The following PRKG1 variants were observed in gnomAD, a reference collection of about 807,000 sequenced individuals.
PRKG1 encodes the protein protein kinase cGMP-dependent 1.
PRKG1 carries 35 observed loss-of-function variants against 88.1 expected under a neutral mutation model. The ratio of observed to expected loss-of-function variants is 0.40; its 90% CI spans 0.30 to 0.53. The LOEUF (loss-of-function observed/expected upper bound fraction) is 0.53, where lower values mean the gene tolerates loss of function less well. Ranked by LOEUF, PRKG1 falls within the 20% of genes least tolerant of loss-of-function variation. The pLI is 0.59. For missense variants in PRKG1, 540 were observed against 839.8 expected (o/e 0.64, Z 4.41); for synonymous variants, 303 against 292.5 (o/e 1.04, Z -0.37).
At chr10:51,710,684 T>G (rs1295759773) in intron 3 of PRKG1, among the ~76,000 whole-genome samples, 1 of 152,224 alleles carries the variant, frequency 6.6e-6, no homozygotes, top group Non-Finnish European at 1.5e-5. Context: ...ACCAAGTTTA[T>G]TACTTAAATG....
chr10:51,961,034 G>A (rs1022310534), intron 5 of PRKG1, among the ~76,000 whole-genome samples: 5 of 152,092 alleles, frequency 3.3e-5, no homozygotes, highest in Non-Finnish European at 7.4e-5. Context: ...GCCAAAAAAG[G>A]CATTAGTTTC....
chr10:51,140,904 C>G (rs1368564868), intron 1 of PRKG1, among the ~76,000 whole-genome samples: 1 of 152,198 alleles, frequency 6.6e-6, no homozygotes, highest in African/African-American at 2.4e-5. Flanking sequence ...AACTGCTGCG[C>G]CAGAAACATT....
intron 2 of PRKG1, among the ~76,000 whole-genome samples, chr10:51,212,239 G>T (rs1202936266): frequency 2.6e-5 from 4 of 151,586 alleles, no homozygotes; most frequent in Admixed American, 6.6e-5. Context: ...TTAATAAATG[G>T]TGCTGGGAAA....
chr10:51,664,753 C>G (rs1840382357), intron 3 of PRKG1, among the ~76,000 whole-genome samples: 1 of 152,136 alleles, frequency 6.6e-6, no homozygotes, highest in African/African-American at 2.4e-5. Flanking sequence ...AATCCTGACT[C>G]TACAATTACT....
intron 2 of PRKG1, among the ~76,000 whole-genome samples, chr10:51,244,455 C>T (rs893524332): frequency 1.3e-5 from 2 of 151,900 alleles, no homozygotes; most frequent in Non-Finnish European, 2.9e-5. Flanking sequence ...ATTTATAGAA[C>T]ATTCAGTGGT....
intron 3 of PRKG1, among the ~76,000 whole-genome samples, chr10:51,588,966 A>T (rs1838240524): frequency 6.6e-6 from 1 of 152,146 alleles, no homozygotes; most frequent in African/African-American, 2.4e-5. Context: ...CCAAATAAAA[A>T]TTTGCATGCA....
chr10:52,150,835 A>G (rs1347221097), intron 8 of PRKG1, among the ~76,000 whole-genome samples: 1 of 152,166 alleles, frequency 6.6e-6, no homozygotes, highest in Non-Finnish European at 1.5e-5. Flanking sequence ...CATTCCCAAG[A>G]TATTTTTCTT....
chr10:51,056,121 A>G (rs1025291247), intron 1 of PRKG1, among the ~76,000 whole-genome samples: 1 of 152,196 alleles, frequency 6.6e-6, no homozygotes, highest in Non-Finnish European at 1.5e-5. Context: ...ACAGGCATGA[A>G]GGGGCAGCAG....
At chr10:51,971,024 A>G (rs1008916703) in intron 5 of PRKG1, among the ~76,000 whole-genome samples, 3 of 151,806 alleles carry the variant, frequency 2.0e-5, no homozygotes, top group African/African-American at 7.2e-5. Context: ...ATGGAAAGGA[A>G]TAAGCTAATG....
chr10:51,405,721 A>C (rs765022596), intron 2 of PRKG1, among the ~76,000 whole-genome samples: 1 of 152,100 alleles, frequency 6.6e-6, no homozygotes, highest in Non-Finnish European at 1.5e-5. Context: ...TTTTGGCATG[A>C]GGCAACCTTG....
At chr10:51,143,672 G>A (rs1845875149) in intron 1 of PRKG1, among the ~76,000 whole-genome samples, 1 of 152,020 alleles carries the variant, frequency 6.6e-6, no homozygotes, top group Admixed American at 6.6e-5. Flanking sequence ...ATTCTAACAG[G>A]TGTAAGGTTA....
At chr10:51,115,319 G>C (rs376939235) in intron 1 of PRKG1, among the ~76,000 whole-genome samples, 1 of 84,832 alleles carries the variant, frequency 1.2e-5, no homozygotes, top group South Asian at 6.3e-4. Context: ...ATCTCGGGGC[G>C]GGGGGAGGGA....
chr10:52,074,372 A>C (rs1300627479), intron 7 of PRKG1, among the ~76,000 whole-genome samples: 1 of 152,138 alleles, frequency 6.6e-6, no homozygotes, highest in African/African-American at 2.4e-5. Context: ...CTTTTCCATA[A>C]AATGGTTTAT....
chr10:51,413,356 T>G (rs943747908), intron 2 of PRKG1, among the ~76,000 whole-genome samples: 3 of 137,410 alleles, frequency 2.2e-5, no homozygotes, highest in Admixed American at 7.0e-5. Flanking sequence ...TTTTTTTTTG[T>G]TTTTTGTTTG....
intron 17 of PRKG1, among the ~76,000 whole-genome samples, chr10:52,293,215 G>A (rs943962313): frequency 1.1e-4 from 16 of 151,418 alleles, no homozygotes; most frequent in African/African-American, 2.7e-4. Flanking sequence ...GGATGTGAAG[G>A]ACCTCTTCAA....
chr10:52,189,046 T>A (rs975324456), intron 9 of PRKG1, among the ~76,000 whole-genome samples: 2 of 152,100 alleles, frequency 1.3e-5, no homozygotes, highest in Non-Finnish European at 2.9e-5. Context: ...AGAAGGAAAA[T>A]ATGCAATGTT....
At chr10:51,461,972 C>G (rs1247283866) in intron 2 of PRKG1, among the ~76,000 whole-genome samples, 3 of 152,166 alleles carry the variant, frequency 2.0e-5, no homozygotes, top group African/African-American at 7.2e-5. Flanking sequence ...GAAAGCAGAT[C>G]CACAGATGAA....
chr10:51,553,289 C>A lies in PRKG1; in HGVS notation c.592+85453C>A, dbSNP rs370648112. ...CTGTAAATAAAACCTTATATTAATT[C>A]TTTTGCCGTGACAGAAAGCAGTGCG... On this transcript the variant is annotated intron_variant, in intron 3 of 17. Coordinates refer to ENST00000373980, the MANE Select transcript of PRKG1 (RefSeq NM_006258.4). Among the ~76,000 whole-genome samples, 7 of 151,752 alleles carry A rather than the reference C, an allele frequency of 4.6e-5. No homozygotes were observed. The East Asian group carries it at 5.8e-4, about 13-fold the overall frequency.
At chr10:51,148,798 A>C (rs532648730) in intron 1 of PRKG1, among the ~76,000 whole-genome samples, 7 of 152,306 alleles carry the variant, frequency 4.6e-5, no homozygotes, top group African/African-American at 1.4e-4. Flanking sequence ...GTATTCATTA[A>C]TTGATGAAAT....
Sources: allele counts gnomAD v4.1 joint callset (sites outside exome capture counted in the v4.1 genomes callset), GRCh38; gene constraint gnomAD v4.1.1; transcripts MANE v1.5; gene names NCBI Gene and HGNC (gene_info 2026-07-23, HGNC 2026-07-21).